GULP1: variants seen among roughly 807,000 people sequenced by gnomAD.
GULP1 encodes PTB domain-containing engulfment adapter protein 1.
A neutral mutation model predicts 40.9 loss-of-function variants in GULP1; 19 were observed. The observed-to-expected ratio is 0.46, with a 90% CI of 0.32 to 0.68. GULP1 has a LOEUF of 0.68. GULP1 is among the 30% of genes least tolerant of loss of function. The pLI, the probability that GULP1 is intolerant of heterozygous loss-of-function variation, is 0.03. For missense variants in GULP1, 312 were observed against 362.2 expected (o/e 0.86, Z 1.12); for synonymous variants, 119 against 117.6 (o/e 1.01, Z -0.08).
chr2:188,408,306 A>T (rs960048791), intron 2 of GULP1, among the ~76,000 whole-genome samples: 1 of 152,172 alleles, frequency 6.6e-6, no homozygotes, highest in South Asian at 2.1e-4. Flanking sequence ...TCTATTGTTT[A>T]TTATTTACTT....
intron 1 of GULP1, among the ~76,000 whole-genome samples, chr2:188,345,633 A>T (rs1046855106): frequency 6.6e-6 from 1 of 152,192 alleles, no homozygotes; most frequent in Admixed American, 6.5e-5. Context: ...ACCAGTATGT[A>T]TGAAATGAGG....
chr2:188,585,267 A>C (rs915681720), intron 10 of GULP1, among the ~76,000 whole-genome samples: 20 of 152,128 alleles, frequency 1.3e-4, no homozygotes, highest in African/African-American at 4.8e-4. Context: ...GCTGGCATTG[A>C]GTGACAGGCA....
At chr2:188,386,826 A>C (rs1574921253) in intron 2 of GULP1, among the ~76,000 whole-genome samples, 1 of 152,348 alleles carries the variant, frequency 6.6e-6, no homozygotes, top group South Asian at 2.1e-4. Context: ...ACCCAGTTTA[A>C]GTTGAAAAAA....
intron 6 of GULP1, among the ~76,000 whole-genome samples, chr2:188,537,095 T>C (rs1357498702): frequency 6.6e-6 from 1 of 152,106 alleles, no homozygotes; most frequent in Non-Finnish European, 1.5e-5. Context: ...GTGGAATCTT[T>C]AGGATCTTCT....
In GULP1 at chr2:188,338,699, C is replaced by T. The variant is rs373573154; in HGVS notation, c.-171-45064C>T. On this transcript the variant is annotated intron_variant, in intron 1 of 11. Coordinates refer to ENST00000409830, the MANE Select transcript of GULP1 (RefSeq NM_016315.4). ...AGTCAGCTATATTGCATCTGAGAAA[C>T]GGCTTCTAAAATTTATGTGTTTCTT... 6.1e-4 allele frequency among the ~76,000 whole-genome samples: 93 copies of T among 152,256 alleles called. 1 individual carries two copies. The highest frequency in any genetic ancestry group is 2.1e-3 in the African/African-American group (87 of 41,540).
chr2:188,314,925 G>T (rs13032231), intron 1 of GULP1, among the ~76,000 whole-genome samples: 22,980 of 151,974 alleles, frequency 0.15, 1,887 homozygotes, highest in African/African-American at 0.17. Context: ...TAGCCATCCC[G>T]TTATCAGATC....
chr2:188,374,613 G>C (rs2048056690), intron 1 of GULP1, among the ~76,000 whole-genome samples: 1 of 152,126 alleles, frequency 6.6e-6, no homozygotes, highest in Non-Finnish European at 1.5e-5. Flanking sequence ...TAAAAAGGGT[G>C]CTGATTGTAT....
chr2:188,319,398 T>C (rs1417891889), intron 1 of GULP1, among the ~76,000 whole-genome samples: 2 of 152,156 alleles, frequency 1.3e-5, no homozygotes, highest in Admixed American at 6.6e-5. Context: ...TTCAGACTTG[T>C]ACATCTTGAT....
intron 2 of GULP1, among the ~76,000 whole-genome samples, chr2:188,406,685 AAAAAT>A (rs1189815389): frequency 6.6e-6 from 1 of 152,132 alleles, no homozygotes; most frequent in East Asian, 1.9e-4. Flanking sequence ...AAACAAAACA[AAAAAT>A]AAAAAGGAAT....
intron 4 of GULP1, among the ~76,000 whole-genome samples, chr2:188,514,082 T>C (rs201842529): frequency 0.013 from 2,000 of 149,328 alleles, 37 homozygotes; most frequent in African/African-American, 0.046. Flanking sequence ...TGTGTGTGTG[T>C]GCGCCCTGCC....
chr2:188,446,548 G>T (rs1299731809), intron 2 of GULP1, among the ~76,000 whole-genome samples: 5 of 151,934 alleles, frequency 3.3e-5, no homozygotes, highest in Admixed American at 1.3e-4. Context: ...TTGCTTTTTG[G>T]GTTTTTGTAT....
chr2:188,305,352 T>C lies in GULP1; in HGVS notation c.-172+13186T>C, dbSNP rs1286803330. On this transcript the variant is annotated intron_variant, in intron 1 of 11. Coordinates refer to ENST00000409830, the MANE Select transcript of GULP1 (RefSeq NM_016315.4). ...GGGTTTTGAGGAAGGCTTCATTATA[T>C]AGGCATGATTGACAACCAACAGTGT... Among the ~76,000 whole-genome samples the C allele has an allele frequency of 2.6e-5, 4 of 152,122 alleles. No individual in the cohort carries two copies. In the South Asian group the frequency reaches 6.2e-4, roughly 24 times the overall value.
intron 7 of GULP1, among the ~76,000 whole-genome samples, chr2:188,566,013 A>T (rs974311512): frequency 3.3e-5 from 5 of 152,156 alleles, no homozygotes; most frequent in African/African-American, 1.2e-4. Context: ...CACCCATAAT[A>T]GATGAGATTT....
chr2:188,429,234 G>A (rs2056576167), intron 2 of GULP1, among the ~76,000 whole-genome samples: 1 of 152,098 alleles, frequency 6.6e-6, no homozygotes, highest in African/African-American at 2.4e-5. Context: ...TGGGTGTGCT[G>A]GCTGTCACCT....
intron 7 of GULP1, among the ~76,000 whole-genome samples, chr2:188,557,776 C>T (rs192261647): frequency 1.3e-5 from 2 of 152,304 alleles, no homozygotes; most frequent in East Asian, 3.9e-4. Context: ...CAGCAAGGCT[C>T]GCTTCTTACA....
At chr2:188,522,968 C>G (rs1386665384) in intron 5 of GULP1, 141 bp downstream of exon 5, 2 of 540,748 alleles carry the variant, frequency 3.7e-6, no homozygotes, top group Non-Finnish European at 6.9e-6. Context: ...CAAATGTAAT[C>G]ATATCAAGGA....
intron 1 of GULP1, among the ~76,000 whole-genome samples, chr2:188,374,485 T>G (rs2048036556): frequency 6.6e-6 from 1 of 152,118 alleles, no homozygotes; most frequent in Admixed American, 6.6e-5. Context: ...CTCTCATAGC[T>G]TTGTTATCCA....
At chr2:188,316,525 A>T (rs1376645660) in intron 1 of GULP1, among the ~76,000 whole-genome samples, 1 of 152,074 alleles carries the variant, frequency 6.6e-6, no homozygotes, top group Non-Finnish European at 1.5e-5. Context: ...TGGCCTCTTG[A>T]TGCCTTTGTG....
At chr2:188,411,889 G>C (rs941852311) in intron 2 of GULP1, among the ~76,000 whole-genome samples, 2 of 152,178 alleles carry the variant, frequency 1.3e-5, no homozygotes, top group Non-Finnish European at 2.9e-5. Context: ...CTCTAGTGCT[G>C]CAGCTGTCCA....
Sources: allele counts gnomAD v4.1 joint callset (sites outside exome capture counted in the v4.1 genomes callset), GRCh38; gene constraint gnomAD v4.1.1; transcripts MANE v1.5; gene names NCBI Gene and HGNC (gene_info 2026-07-23, HGNC 2026-07-21).